The following SLC5A1 variants were observed in gnomAD, a reference collection of about 807,000 sequenced individuals.
SLC5A1 encodes the protein solute carrier family 5 member 1, also known as sodium/glucose cotransporter 1.
Under a neutral mutation model 73.5 loss-of-function variants are expected in SLC5A1, and 42 were observed. That is an observed-to-expected ratio of 0.57 (90% CI 0.45 to 0.74). SLC5A1 has a LOEUF of 0.74. Among genes scored for constraint, SLC5A1 ranks in the 30% least tolerant of loss-of-function variants. SLC5A1 has a pLI of 0.00. For missense variants in SLC5A1, 634 were observed against 855.4 expected, an observed-to-expected ratio of 0.74 and a Z score of 3.23; for synonymous variants, 300 against 317.4, an observed-to-expected ratio of 0.95 and a Z score of 0.58.
intron 2 of SLC5A1, among the ~76,000 whole-genome samples, chr22:32,053,227 A>T (rs1290361136): frequency 6.6e-6 from 1 of 151,942 alleles, no homozygotes; most frequent in Non-Finnish European, 1.5e-5. Context: ...TTATCACAGC[A>T]GTGTCTGCTT....
chr22:32,108,188 G>A (rs1321789326), intron 14 of SLC5A1, among the ~76,000 whole-genome samples: 1 of 150,704 alleles, frequency 6.6e-6, no homozygotes, highest in African/African-American at 2.4e-5. Context: ...CTCACTGCAA[G>A]CTTCACCTCC....
intron 11 of SLC5A1, 76 bp from the exon 12 acceptor site, chr22:32,099,107 T>TAC (rs2094031817): frequency 3.6e-5 from 3 of 83,678 alleles, no homozygotes; most frequent in African/African-American, 2.2e-4. Context: ...AAAAAAAAAA[T>TAC]ATATATATAT....
chr22:32,099,324 T>TA lies in SLC5A1; in HGVS notation c.1423dup (p.Ile475AsnfsTer8). 6.2e-7 allele frequency: 1 copy of TA among 1,613,220 alleles called. No homozygotes were observed. Among genetic ancestry groups the TA allele is most frequent in the Non-Finnish European group, 8.5e-7 (1 of 1,179,606 alleles). Reference sequence around the variant, plus strand: ...CCATTGCGGCTGTCTTCCTGCTTGCTATTTTCTGGAAGAGAGTCAATGAGC... The same window carrying TA: ...CCATTGCGGCTGTCTTCCTGCTTGCTAATTTTCTGGAAGAGAGTCAATGAGC... On this transcript the variant is annotated frameshift_variant, in exon 12 of 15. Transcript: ENST00000266088. LOFTEE classifies it high-confidence loss of function.
At chr22:32,084,786 C>T (rs1376028629) in intron 8 of SLC5A1, 114 bp from the exon 9 acceptor site, 4 of 1,537,064 alleles carry the variant, frequency 2.6e-6, no homozygotes, top group Non-Finnish European at 3.6e-6. Context: ...AGTTGCCACG[C>T]CCCAGTGATA....
At chr22:32,070,285 CCTT>C (rs1337701357) in intron 5 of SLC5A1, among the ~76,000 whole-genome samples, 2 of 121,290 alleles carry the variant, frequency 1.6e-5, no homozygotes, top group Admixed American at 8.9e-5. Context: ...CCCCTCCCTC[CCTT>C]CTTCTTCATT....
intron 1 of SLC5A1, among the ~76,000 whole-genome samples, chr22:32,044,251 T>C (rs192854965): frequency 5.1e-4 from 78 of 152,242 alleles, no homozygotes; most frequent in Non-Finnish European, 7.2e-4. Flanking sequence ...GGTGGGAGGA[T>C]TGCTTGAGTC....
At chr22:32,072,842 C>T (rs900935930) in intron 5 of SLC5A1, among the ~76,000 whole-genome samples, 2 of 152,162 alleles carry the variant, frequency 1.3e-5, no homozygotes, top group Non-Finnish European at 2.9e-5. Context: ...TATTACCTTC[C>T]TGTCCTGGCC....
chr22:32,055,987 G>A (rs796418426), intron 2 of SLC5A1, among the ~76,000 whole-genome samples: 4 of 152,204 alleles, frequency 2.6e-5, no homozygotes, highest in South Asian at 2.1e-4. Flanking sequence ...AATCACAAAC[G>A]CTAGCAAATG....
rs1243396084 is a variant in SLC5A1 at position 32,111,622 on chromosome 22, T to C, written c.*1409T>C. 1 of 152,122 alleles carries C rather than the reference T, an allele frequency of 6.6e-6. No homozygotes were observed. Among genetic ancestry groups the C allele is most frequent in the Non-Finnish European group, 1.5e-5 (1 of 68,016 alleles). The allele number at this position is 152,122 out of a possible 1,614,324, so 9.4% of individuals were successfully genotyped here. A position where few individuals can be genotyped will look rare whatever the true frequency, so the allele number is the denominator to read the frequency against. ...AAAAGAATTACAAACTGAACGTATG[T>C]AGGTGAGGCAAGGCAGGGTAGGGCA... On this transcript the variant is annotated 3_prime_UTR_variant, in exon 15 of 15. Coordinates refer to ENST00000266088, the MANE Select transcript of SLC5A1 (RefSeq NM_000343.4).
intron 12 of SLC5A1, among the ~76,000 whole-genome samples, chr22:32,100,185 G>A (rs952241755): frequency 3.9e-5 from 6 of 152,186 alleles, no homozygotes; most frequent in Non-Finnish European, 2.9e-5. Context: ...TGTGAAAGAT[G>A]GAAGATGTGG....
intron 2 of SLC5A1, among the ~76,000 whole-genome samples, chr22:32,060,106 CACACACATATATATACAT>C (rs2093958957): frequency 6.7e-6 from 1 of 149,198 alleles, no homozygotes; most frequent in Non-Finnish European, 1.5e-5. Context: ...CATATATATA[CACACACATATATATACAT>C]ACACACATAT....
chr22:32,070,624 G>A (rs1372927898), intron 5 of SLC5A1, among the ~76,000 whole-genome samples: 1 of 152,068 alleles, frequency 6.6e-6, no homozygotes, highest in Admixed American at 6.5e-5. Flanking sequence ...ATGAGCCACT[G>A]CACCCGGCCT....
At chr22:32,109,925 C>G in intron 14 of SLC5A1, 65 bp from the exon 15 acceptor site, 1 of 1,269,904 alleles carries the variant, frequency 7.9e-7, no homozygotes, top group East Asian at 2.3e-5. Flanking sequence ...TGTGGCTTCT[C>G]CCCTGAAAAC....
intron 14 of SLC5A1, among the ~76,000 whole-genome samples, chr22:32,106,573 T>G (rs976245307): frequency 1.3e-5 from 2 of 152,178 alleles, no homozygotes; most frequent in Admixed American, 6.5e-5. Context: ...CCAGTTCTAG[T>G]GACATCAAGA....
At chr22:32,085,140 A>T (rs2094006074) in intron 9 of SLC5A1, 105 bp downstream of exon 9, 6 of 1,343,022 alleles carry the variant, frequency 4.5e-6, no homozygotes, top group Non-Finnish European at 5.3e-6. Flanking sequence ...TTTTGAGACC[A>T]GGTCTCACTC....
chr22:32,083,276 G>T, intron 7 of SLC5A1, 122 bp downstream of exon 7: 1 of 793,490 alleles, frequency 1.3e-6, no homozygotes, highest in Non-Finnish European at 2.1e-6. Flanking sequence ...GGCATGCTCT[G>T]CCCTTCCAAA....
intron 13 of SLC5A1, among the ~76,000 whole-genome samples, chr22:32,102,626 C>T (rs117565683): frequency 0.042 from 6,446 of 152,208 alleles, 177 homozygotes; most frequent in Middle Eastern, 0.065. Context: ...TAATAAATTA[C>T]GTATAGCTGC....
intron 11 of SLC5A1, among the ~76,000 whole-genome samples, chr22:32,097,147 T>C (rs895090494): frequency 2.0e-5 from 3 of 152,264 alleles, no homozygotes; most frequent in Non-Finnish European, 2.9e-5. Context: ...TTGTGTATCC[T>C]GTAATTACTG....
At chr22:32,080,408 G>A (rs1432670542) in intron 5 of SLC5A1, among the ~76,000 whole-genome samples, 2 of 152,162 alleles carry the variant, frequency 1.3e-5, no homozygotes, top group Admixed American at 6.5e-5. Context: ...ACTGATGGAG[G>A]GAGGGAATAG....
Sources: gnomAD v4.1 joint callset for allele counts (sites outside exome capture counted in the v4.1 genomes callset) on GRCh38, gnomAD v4.1.1 for gene constraint, MANE v1.5 for transcripts, NCBI Gene and HGNC (gene_info 2026-07-23, HGNC 2026-07-21) for gene names.